VEZT: variants seen among roughly 807,000 people sequenced by gnomAD.
VEZT encodes vezatin.
Under a neutral mutation model 79.9 loss-of-function variants are expected in VEZT, and 39 were observed. That is an observed-to-expected ratio of 0.49 (90% confidence interval 0.38 to 0.64). The LOEUF (loss-of-function observed/expected upper bound fraction) is 0.64. Among genes scored for constraint, VEZT ranks in the 30% least tolerant of loss-of-function variants. The probability of loss-of-function intolerance (pLI) is 0.00; values close to 1 mark genes in which losing one functional copy is unlikely to be tolerated. For missense variants in VEZT, 837 were observed against 893.1 expected (o/e 0.94, Z 0.80); for synonymous variants, 325 against 327.6 (o/e 0.99, Z 0.09).
chr12:95,296,090 G>T lies in VEZT; in HGVS notation c.1663G>T (p.Asp555Tyr). 6.4e-7 allele frequency: 1 copy of T among 1,557,860 alleles called. No homozygotes were observed. The highest frequency in any genetic ancestry group is 1.2e-5 in the South Asian group (1 of 84,386). The part of the protein sequence containing the change: ...AYVDDIDIDS[D>Y]FRKDDFYYLS... ...TGTAGATGATATAGATATTGATAGT[G>T]ATTTCAGAAAGGATGATTTTTATTA... Residue 555 changes from aspartate (D) to tyrosine (Y), a missense_variant, in exon 11 of 12, where the codon GAT (aspartate) becomes TAT (tyrosine). Coordinates refer to ENST00000436874, the MANE Select transcript of VEZT (RefSeq NM_017599.4).
intron 7 of VEZT, among the ~76,000 whole-genome samples, chr12:95,276,903 A>G (rs1274974322): frequency 1.3e-5 from 2 of 152,118 alleles, no homozygotes; most frequent in Non-Finnish European, 2.9e-5. Context: ...CCTGGACACC[A>G]TCTTTCTTGT....
At chr12:95,248,904 G>C (rs539653785) in intron 1 of VEZT, among the ~76,000 whole-genome samples, 13 of 151,932 alleles carry the variant, frequency 8.6e-5, no homozygotes, top group Admixed American at 8.5e-4. Context: ...TAAGGTTTTT[G>C]GGCCGGATTT....
intron 1 of VEZT, among the ~76,000 whole-genome samples, chr12:95,234,796 A>C (rs1336259346): frequency 6.6e-6 from 1 of 151,996 alleles, no homozygotes; most frequent in Non-Finnish European, 1.5e-5. Context: ...TAGGCAGAGG[A>C]CCCTGCGGCC....
At chr12:95,240,046 AAGGAAGGAAGGAAGGAAGGAAGGAAGG>A (rs1566040431) in intron 1 of VEZT, among the ~76,000 whole-genome samples, 1 of 123,528 alleles carries the variant, frequency 8.1e-6, no homozygotes. Context: ...GGAAGGAAGG[AAGGAAGGAAGGAAGGAAGGAAGGAAGG>A]AAGAAAAGAA....
At chr12:95,238,522 G>C (rs1235819035) in intron 1 of VEZT, among the ~76,000 whole-genome samples, 1 of 151,982 alleles carries the variant, frequency 6.6e-6, no homozygotes, top group Non-Finnish European at 1.5e-5. Context: ...TTCTATACTG[G>C]TATGTCATAT....
intron 1 of VEZT, among the ~76,000 whole-genome samples, chr12:95,229,193 T>C (rs2058906323): frequency 6.6e-6 from 1 of 152,230 alleles, no homozygotes; most frequent in African/African-American, 2.4e-5. Context: ...GATTAAAATT[T>C]TGTTTCTGTT....
At chr12:95,269,894 T>C in intron 5 of VEZT, 157 bp from the exon 6 acceptor site, 1 of 739,026 alleles carries the variant, frequency 1.4e-6, no homozygotes, top group East Asian at 2.9e-5. Context: ...GACTATTTTA[T>C]GAGACCTGAG....
chr12:95,234,708 G>T (rs2059772666), intron 1 of VEZT, among the ~76,000 whole-genome samples: 2 of 151,980 alleles, frequency 1.3e-5, no homozygotes, highest in Admixed American at 6.6e-5. Flanking sequence ...ATTCTTGGGT[G>T]TGATTTGGCA....
In VEZT at chr12:95,240,019, A is replaced by AG. The variant is rs1224928879; in HGVS notation, c.37-11920dup. ...AGGAGACAGAGAGAGAAAGAGAGAA[A>AG]GAAAGGAAGGAAGGAAGGAAGGAAG... On this transcript the variant is annotated intron_variant, in intron 1 of 11. Transcript: ENST00000436874. 2.7e-4 allele frequency among the ~76,000 whole-genome samples: 32 copies of AG among 118,748 alleles called. No homozygotes were observed. In the East Asian group the frequency reaches 3.8e-3, roughly 14 times the overall value. The allele number at this position is 118,748 out of a possible 152,430, so 77.9% of individuals were successfully genotyped here. A position where few individuals can be genotyped will look rare whatever the true frequency, so the allele number is the denominator to read the frequency against.
At chr12:95,247,696 A>T (rs1166155110) in intron 1 of VEZT, among the ~76,000 whole-genome samples, 2 of 152,158 alleles carry the variant, frequency 1.3e-5, no homozygotes, top group African/African-American at 4.8e-5. Context: ...ACTGGTTAGG[A>T]TATGGTTTTC....
intron 1 of VEZT, among the ~76,000 whole-genome samples, chr12:95,238,616 C>T (rs554167148): frequency 6.6e-6 from 1 of 152,290 alleles, no homozygotes; most frequent in South Asian, 2.1e-4. Context: ...CATTTTAGGT[C>T]TAAGCCATTC....
intron 2 of VEZT, among the ~76,000 whole-genome samples, chr12:95,254,339 CTTTTTTTTTTTTTTT>C (rs34968028): frequency 1.4e-5 from 1 of 69,402 alleles, no homozygotes; most frequent in African/African-American, 5.9e-5. Flanking sequence ...AAACGAAGTT[CTTTTTTTTTTTTTTT>C]TTTTTTTTTT....
chr12:95,242,440 T>C, intron 1 of VEZT: 1 of 153,722 alleles, frequency 6.5e-6, no homozygotes, highest in Non-Finnish European at 1.4e-5. Flanking sequence ...TTTTCTTTTT[T>C]AGAGACAGGA....
At chr12:95,264,600 C>T (rs1484582088) in intron 4 of VEZT, among the ~76,000 whole-genome samples, 1 of 151,928 alleles carries the variant, frequency 6.6e-6, no homozygotes, top group Non-Finnish European at 1.5e-5. Flanking sequence ...CCATACCTGG[C>T]TAATTTTTGT....
intron 1 of VEZT, among the ~76,000 whole-genome samples, chr12:95,237,586 G>A (rs556928654): frequency 6.0e-4 from 91 of 152,246 alleles, no homozygotes; most frequent in African/African-American, 2.0e-3. Flanking sequence ...CACTCACCAC[G>A]TATAGCCCCC....
chr12:95,246,808 T>C (rs2061787314), intron 1 of VEZT, among the ~76,000 whole-genome samples: 1 of 152,224 alleles, frequency 6.6e-6, no homozygotes, highest in African/African-American at 2.4e-5. Context: ...GAATCCAGTG[T>C]TAATGATTTC....
At chr12:95,264,273 T>A (rs1256840383) in intron 4 of VEZT, among the ~76,000 whole-genome samples, 1 of 152,220 alleles carries the variant, frequency 6.6e-6, no homozygotes, top group Non-Finnish European at 1.5e-5. Flanking sequence ...TTTACTACTT[T>A]ACTAACTTTC....
intron 1 of VEZT, among the ~76,000 whole-genome samples, chr12:95,234,577 G>T (rs1451897909): frequency 6.6e-6 from 1 of 152,280 alleles, no homozygotes; most frequent in East Asian, 1.9e-4. Flanking sequence ...TTACAGACAT[G>T]AGCCACCGCG....
intron 2 of VEZT, chr12:95,256,591 T>C (rs1308241642): frequency 7.8e-7 from 1 of 1,289,870 alleles, no homozygotes; most frequent in Non-Finnish European, 1.0e-6. Context: ...TAAACTGCAC[T>C]TACTGGCATG....
Sources: gnomAD v4.1 joint callset for allele counts (sites outside exome capture counted in the v4.1 genomes callset) on GRCh38, gnomAD v4.1.1 for gene constraint, MANE v1.5 for transcripts, NCBI Gene and HGNC (gene_info 2026-07-23, HGNC 2026-07-21) for gene names.